TMEM71: variants seen among roughly 807,000 people sequenced by gnomAD.
TMEM71 encodes the protein transmembrane protein 71.
TMEM71 carries 44 observed loss-of-function variants against 38.0 expected under a neutral mutation model. The ratio of observed to expected loss-of-function variants is 1.16; its 90% CI spans 0.91 to 1.49. TMEM71 has a LOEUF of 1.49. Ranked by LOEUF, TMEM71 falls within the 40% of genes most tolerant of loss-of-function variation. TMEM71 has a pLI of 0.00. For missense variants in TMEM71, 367 were observed against 348.6 expected (o/e 1.05, Z -0.42); for synonymous variants, 133 against 122.5 (o/e 1.09, Z -0.56).
chr8:132,760,935 T>C (rs371552483), upstream of TMEM71, among the ~76,000 whole-genome samples: 41 of 152,356 alleles, frequency 2.7e-4, 1 homozygote, highest in East Asian at 2.7e-3. Flanking sequence ...TAGTGATCTT[T>C]GTCCAAATCA....
chr8:132,747,213 G>T, intron 4 of TMEM71, 99 bp from the exon 5 acceptor site: 2 of 1,024,828 alleles, frequency 2.0e-6, no homozygotes, highest in South Asian at 2.0e-5. Flanking sequence ...ACCCAAGTCT[G>T]CTCACTGCAT....
intron 9 of TMEM71, among the ~76,000 whole-genome samples, chr8:132,713,084 A>C (rs1248151838): frequency 6.6e-6 from 1 of 151,862 alleles, no homozygotes; most frequent in Non-Finnish European, 1.5e-5. Context: ...GACTCAAGGA[A>C]GTCTCCTGCC....
chr8:132,752,146 G>A lies in TMEM71; in HGVS notation c.102-149C>T. The A allele has an allele frequency of 4.4e-6, 3 of 681,662 alleles. No individual in the cohort carries two copies. In the Admixed American group the frequency reaches 7.6e-5, roughly 17 times the overall value. The allele number at this position is 681,662 out of a possible 1,614,324, so 42.2% of individuals were successfully genotyped here. Reference sequence around the variant, plus strand: ...AACCATTAGGAATGTCACTCTTAATGTTCTGGGCTTCATCTCCTCACCTAT... The same window carrying A: ...AACCATTAGGAATGTCACTCTTAATATTCTGGGCTTCATCTCCTCACCTAT... On this transcript the variant is annotated intron_variant, in intron 3 of 9. Coordinates refer to ENST00000677595, the MANE Select transcript of TMEM71 (RefSeq NM_001382403.1).
chr8:132,720,909 A>G (rs1291855361), intron 7 of TMEM71, among the ~76,000 whole-genome samples: 1 of 152,246 alleles, frequency 6.6e-6, no homozygotes, highest in African/African-American at 2.4e-5. Flanking sequence ...GTCTGCTGTC[A>G]GGCAGCTCAC....
chr8:132,739,065 A>G (rs1827897774), intron 5 of TMEM71, among the ~76,000 whole-genome samples: 1 of 152,228 alleles, frequency 6.6e-6, no homozygotes, highest in Admixed American at 6.5e-5. Flanking sequence ...AAATTAAAAA[A>G]AAATGTTACG....
rs1827348705 is a variant in TMEM71, at chr8:132,729,762, CAAGAG to C, written c.488-1781_488-1777del. Among the ~76,000 whole-genome samples, 3 of 152,114 alleles carry C rather than the reference CAAGAG, an allele frequency of 2.0e-5. 1 individual carries two copies. In the South Asian group the frequency reaches 6.2e-4, roughly 32 times the overall value. ...AGGGACAGAAAAAAGGCCTTGGTCT[CAAGAG>C]AGGCAGAAAATTAAAACCGAGTTTC... On this transcript the variant is annotated intron_variant, in intron 5 of 9. Coordinates refer to ENST00000677595, the MANE Select transcript of TMEM71 (RefSeq NM_001382403.1).
rs1586801993 is a variant in TMEM71 at position 132,747,082 on chromosome 8, G to A, written c.347C>T (p.Ser116Phe). The change falls in exon 5 of 10, where the codon TCC (serine) becomes TTC (phenylalanine). Residue 116 changes from serine (S) to phenylalanine (F), a missense_variant. By Grantham distance (155) the Ser-to-Phe change is radical (BLOSUM62 -2). Transcript: ENST00000677595. ...IFRKKKRICH[S>F]FSSLFNLSTS... The stretch of plus-strand genomic sequence containing the variant: ...ACTGAGGTTGAAGAGAGAAGAAAAG[G>A]AATGGCAGATTCTCTTTTTCTTTCT... 1 of 1,610,196 alleles carries A rather than the reference G, an allele frequency of 6.2e-7. No individual in the cohort carries two copies. Among genetic ancestry groups the A allele is most frequent in the Non-Finnish European group, 8.5e-7 (1 of 1,178,952 alleles).
At chr8:132,717,366 A>G (rs1286494195) in intron 7 of TMEM71, among the ~76,000 whole-genome samples, 2 of 152,360 alleles carry the variant, frequency 1.3e-5, no homozygotes, top group Admixed American at 6.5e-5. Context: ...TGCAGAATAT[A>G]TAAAGAATTA....
chr8:132,715,065 G>C (rs551081090), intron 7 of TMEM71, among the ~76,000 whole-genome samples: 2 of 152,146 alleles, frequency 1.3e-5, no homozygotes, highest in African/African-American at 4.8e-5. Flanking sequence ...AATACAAAAT[G>C]CTGGGAGGAT....
At chr8:132,756,467 T>C (rs960573557) in intron 3 of TMEM71, among the ~76,000 whole-genome samples, 2 of 144,500 alleles carry the variant, frequency 1.4e-5, no homozygotes, top group African/African-American at 5.1e-5. Flanking sequence ...GGCAAGTTTT[T>C]ATTTAGTATG....
chr8:132,709,814 G>A (rs1826152639), downstream of TMEM71: 1 of 151,996 alleles, frequency 6.6e-6, no homozygotes, highest in Non-Finnish European at 1.5e-5. Flanking sequence ...GTTGCCGTAA[G>A]CCACTTGGTT....
chr8:132,722,422 T>A (rs1826908761), intron 6 of TMEM71, among the ~76,000 whole-genome samples: 1 of 152,252 alleles, frequency 6.6e-6, no homozygotes, highest in Non-Finnish European at 1.5e-5. Flanking sequence ...GTAGAGTTTA[T>A]GATAATGTAA....
chr8:132,706,823 T>G (rs1826101757), downstream of TMEM71, among the ~76,000 whole-genome samples: 1 of 152,160 alleles, frequency 6.6e-6, no homozygotes, highest in Non-Finnish European at 1.5e-5. Flanking sequence ...ATCATCCTTT[T>G]CAATCTCTAA....
At chr8:132,733,765 A>G (rs1827590706) in intron 5 of TMEM71, among the ~76,000 whole-genome samples, 1 of 152,242 alleles carries the variant, frequency 6.6e-6, no homozygotes, top group African/African-American at 2.4e-5. Flanking sequence ...ATCCTTCCAC[A>G]GATGAGTGGA....
chr8:132,746,669 A>G (rs961930738), intron 5 of TMEM71, among the ~76,000 whole-genome samples: 1 of 151,954 alleles, frequency 6.6e-6, no homozygotes, highest in African/African-American at 2.4e-5. Flanking sequence ...TCCCTTACAG[A>G]AAAAATACAG....
chr8:132,724,225 C>T (rs889387490), intron 6 of TMEM71, among the ~76,000 whole-genome samples: 2 of 152,116 alleles, frequency 1.3e-5, no homozygotes, highest in Non-Finnish European at 2.9e-5. Context: ...AGCAGAGAAC[C>T]GGTCTGACCT....
intron 5 of TMEM71, among the ~76,000 whole-genome samples, chr8:132,740,825 T>G (rs1827993810): frequency 6.6e-6 from 1 of 152,202 alleles, no homozygotes; most frequent in East Asian, 1.9e-4. Context: ...ACACTTGAGA[T>G]TCTTAAGCAT....
chr8:132,765,245 G>A (rs1456960876), upstream of TMEM71, among the ~76,000 whole-genome samples: 1 of 152,200 alleles, frequency 6.6e-6, no homozygotes, highest in Non-Finnish European at 1.5e-5. Flanking sequence ...AGATGAAAGT[G>A]GAGCTGAAGC....
At chr8:132,749,844 T>C (rs1828597429) in intron 4 of TMEM71, among the ~76,000 whole-genome samples, 1 of 151,796 alleles carries the variant, frequency 6.6e-6, no homozygotes, top group Non-Finnish European at 1.5e-5. Flanking sequence ...CGAAACCCCA[T>C]CTCCACTAAA....
Sources: gnomAD v4.1 joint callset for allele counts (sites outside exome capture counted in the v4.1 genomes callset) on GRCh38, gnomAD v4.1.1 for gene constraint, MANE v1.5 for transcripts, NCBI Gene and HGNC (gene_info 2026-07-23, HGNC 2026-07-21) for gene names.